SRSF4: variants seen among roughly 807,000 people sequenced by gnomAD.
SRSF4 encodes the protein serine/arginine-rich splicing factor 4.
A neutral mutation model predicts 48.8 loss-of-function variants in SRSF4; 12 were observed. That is an observed-to-expected ratio of 0.25 (90% confidence interval 0.16 to 0.40). The LOEUF (loss-of-function observed/expected upper bound fraction) is 0.40. Among genes scored for constraint, SRSF4 ranks in the 10% least tolerant of loss-of-function variants. The pLI is 1.00. For missense variants in SRSF4, 466 were observed against 667.1 expected (o/e 0.70, Z 3.32); for synonymous variants, 248 against 232.5 (o/e 1.07, Z -0.61).
chr1:29,148,352 C>T lies in SRSF4; in HGVS notation c.*58G>A, dbSNP rs1672338253. On this transcript the variant is annotated 3_prime_UTR_variant, in exon 6 of 6. Transcript: ENST00000373795. ...TGTTCTACTCCAATCACTTGTGCTA[C>T]GGCTACCAAACATGTACAAAAGACT... 12 of 1,548,378 alleles carry T rather than the reference C, an allele frequency of 7.8e-6. No homozygotes were observed. The highest frequency in any genetic ancestry group is 1.4e-5 in the African/African-American group (1 of 72,962).
At chr1:29,170,383 T>C (rs1216572772) in intron 1 of SRSF4, 1 of 152,226 alleles carries the variant, frequency 6.6e-6, no homozygotes, top group Non-Finnish European at 1.5e-5. Context: ...CACTACCTGA[T>C]TCCACACAAA....
chr1:29,175,101 G>T (rs1455570292), intron 1 of SRSF4, among the ~76,000 whole-genome samples: 1 of 148,850 alleles, frequency 6.7e-6, no homozygotes, highest in Non-Finnish European at 1.5e-5. Context: ...TACATCTTTG[G>T]ATTATTTTGG....
chr1:29,181,527 G>A (rs1001610366), intron 1 of SRSF4, 119 bp downstream of exon 1: 3 of 858,256 alleles, frequency 3.5e-6, no homozygotes, highest in Non-Finnish European at 1.7e-6. Context: ...CTATGGCGGA[G>A]CCTGGCCAGG....
At chr1:29,149,257 CAT>C in intron 5 of SRSF4, 31 bp from the exon 6 acceptor site, 1 of 1,595,170 alleles carries the variant, frequency 6.3e-7, no homozygotes, top group East Asian at 2.2e-5. Flanking sequence ...GTTTGTGTCA[CAT>C]GTGACTTCAT....
At chr1:29,167,995 C>T (rs7544720) in intron 1 of SRSF4, among the ~76,000 whole-genome samples, 17,125 of 149,868 alleles carry the variant, frequency 0.11, 1,328 homozygotes, top group East Asian at 0.41. Context: ...CAGCTCTAAA[C>T]CACAAGGTTC....
chr1:29,156,621 G>A (rs1235529846), intron 3 of SRSF4, among the ~76,000 whole-genome samples: 1 of 152,150 alleles, frequency 6.6e-6, no homozygotes, highest in Non-Finnish European at 1.5e-5. Flanking sequence ...TTCTATTCAG[G>A]TTGGCCACCT....
chr1:29,165,821 C>T (rs1173965000), intron 1 of SRSF4: 4 of 152,246 alleles, frequency 2.6e-5, no homozygotes, highest in South Asian at 2.1e-4. Flanking sequence ...CACTGCTTAC[C>T]GAGGGGCATG....
chr1:29,148,490 G>T lies in SRSF4; in HGVS notation c.1405C>A (p.Arg469=). The part of the protein sequence containing the change: ...RSRSKSASKT[R]SRSKSRSRSA... ...CTGGATCTAGACTTGGACCGAGATC[G>T]GGTTTTTGAAGCTGACTTTGATCTG... Residue 469 remains arginine, a synonymous_variant, in exon 6 of 6, where the codon CGA becomes AGA. Coordinates refer to ENST00000373795, the MANE Select transcript of SRSF4 (RefSeq NM_005626.5). The T allele has an allele frequency of 6.2e-7, 1 of 1,614,064 alleles. No homozygotes were observed.
At chr1:29,175,134 A>G (rs1318303959) in intron 1 of SRSF4, among the ~76,000 whole-genome samples, 4 of 151,498 alleles carry the variant, frequency 2.6e-5, no homozygotes, top group Admixed American at 1.3e-4. Flanking sequence ...TAAAAAAATT[A>G]TAATAGGCCA....
At position 29,148,662 on chromosome 1, in the gene SRSF4, C is replaced by G. The variant is rs754680705; in HGVS notation, c.1233G>C (p.Val411=). 1.9e-6 allele frequency: 3 copies of G among 1,614,162 alleles called. No homozygotes were observed. Among genetic ancestry groups the G allele is most frequent in the East Asian group, 2.2e-5 (1 of 44,874 alleles). The part of the protein sequence containing the change: ...RSQSRSPSRS[V]SKEREHAKSE... ...ACTTGGCATGTTCCCGCTCCTTTGA[C>G]ACGGAGCGGGATGGAGATCTGGACT... The change falls in exon 6 of 6, where the codon GTG becomes GTC. Residue 411 remains valine (V), a synonymous_variant. Transcript: ENST00000373795.
chr1:29,156,813 T>G (rs1215583685), intron 3 of SRSF4, among the ~76,000 whole-genome samples: 1 of 151,782 alleles, frequency 6.6e-6, no homozygotes, highest in Non-Finnish European at 1.5e-5. Flanking sequence ...AGGTTAAGAG[T>G]GCATAAAGAG....
rs769689017 is a variant in SRSF4 at position 29,149,129 on chromosome 1, G to A, written c.766C>T (p.Arg256Cys). 10 of 1,605,962 alleles carry A rather than the reference G, an allele frequency of 6.2e-6. No individual in the cohort carries two copies. The highest frequency in any genetic ancestry group is 1.1e-5 in the South Asian group (1 of 90,590). The change falls in exon 6 of 6, where the codon CGC (arginine) becomes TGC (cysteine). Residue 256 changes from arginine (R) to cysteine (C), a missense_variant. Physicochemically the swap from Arg to Cys is radical, Grantham distance 180 (BLOSUM62 -3). Transcript: ENST00000373795. Reference protein sequence around the residue: ...KSRSPSKEKSRSRSHSAGKSR... With the variant: ...KSRSPSKEKSCSRSHSAGKSR... ...TTGCCAGCGCTATGGCTGCGGCTGC[G>A]GCTCTTTTCCTTGCTGGGGCTCCTG...
intron 1 of SRSF4, 92 bp from the exon 2 acceptor site, chr1:29,160,609 A>T: frequency 7.0e-7 from 1 of 1,425,236 alleles, no homozygotes; most frequent in South Asian, 1.5e-5. Flanking sequence ...CATGCTTAGC[A>T]AAGGTTAGGT....
intron 1 of SRSF4, among the ~76,000 whole-genome samples, chr1:29,179,309 G>C (rs924106147): frequency 6.6e-6 from 1 of 151,988 alleles, no homozygotes; most frequent in Admixed American, 6.6e-5. Flanking sequence ...CACCAATTAT[G>C]ACATTAAAAA....
Position 29,148,675 on chromosome 1 carries a change from G to A in SRSF4, c.1220C>T (p.Pro407Leu). 1 of 1,614,142 alleles carries A rather than the reference G, an allele frequency of 6.2e-7. No homozygotes were observed. The highest frequency in any genetic ancestry group is 8.5e-7 in the Non-Finnish European group (1 of 1,180,032). ...CCGCTCCTTTGACACGGAGCGGGATGGAGATCTGGACTGGGAGCGGTCAGT... is the reference window on the plus strand; with the variant it reads ...CCGCTCCTTTGACACGGAGCGGGATAGAGATCTGGACTGGGAGCGGTCAGT... ...EDTDRSQSRS[P>L]SRSVSKEREH... The change falls in exon 6 of 6, where the codon CCA (proline) becomes CTA (leucine). Residue 407 changes from proline to leucine, a missense_variant. Transcript: ENST00000373795.
chr1:29,176,801 AT>A (rs1403887406), intron 1 of SRSF4, among the ~76,000 whole-genome samples: 1 of 152,228 alleles, frequency 6.6e-6, no homozygotes, highest in Non-Finnish European at 1.5e-5. Context: ...ATTAGATAGC[AT>A]GACTAAACAG....
chr1:29,175,900 T>C (rs933533723), intron 1 of SRSF4, among the ~76,000 whole-genome samples: 1 of 152,062 alleles, frequency 6.6e-6, no homozygotes, highest in Non-Finnish European at 1.5e-5. Flanking sequence ...TAGACTCTAA[T>C]GCTTTGTACA....
chr1:29,170,669 A>C (rs1574199667), intron 1 of SRSF4: 1 of 152,330 alleles, frequency 6.6e-6, no homozygotes, highest in East Asian at 1.9e-4. Context: ...TGGATGGATC[A>C]ATAGCTTCAT....
chr1:29,155,011 C>A (rs906957377), intron 3 of SRSF4, 101 bp from the exon 4 acceptor site: 3 of 1,082,220 alleles, frequency 2.8e-6, no homozygotes, highest in Non-Finnish European at 2.6e-6. Context: ...GCCAGCATTC[C>A]GCAGAATAAA....
Sources: gnomAD v4.1 joint callset for allele counts (sites outside exome capture counted in the v4.1 genomes callset) on GRCh38, gnomAD v4.1.1 for gene constraint, MANE v1.5 for transcripts, NCBI Gene and HGNC (gene_info 2026-07-23, HGNC 2026-07-21) for gene names.